EXOC6B: variants seen among roughly 807,000 people sequenced by gnomAD.
The protein encoded by EXOC6B is SEC15 homolog B.
EXOC6B carries 54 observed loss-of-function variants against 113.5 expected under a neutral mutation model. The ratio of observed to expected loss-of-function variants is 0.48; its 90% CI spans 0.38 to 0.60. The LOEUF is 0.60. Among genes scored for constraint, EXOC6B ranks in the 20% least tolerant of loss-of-function variants. The pLI is 0.00. For missense variants in EXOC6B, 797 were observed against 977.5 expected (o/e 0.82, Z 2.46); for synonymous variants, 357 against 339.0 (o/e 1.05, Z -0.58).
At chr2:72,279,554 T>G (rs1685004558) in intron 20 of EXOC6B, among the ~76,000 whole-genome samples, 1 of 152,170 alleles carries the variant, frequency 6.6e-6, no homozygotes, top group Non-Finnish European at 1.5e-5. Context: ...CCTACTAAAT[T>G]TACCTTTCTC....
intron 20 of EXOC6B, among the ~76,000 whole-genome samples, chr2:72,285,589 T>C (rs958834806): frequency 3.3e-5 from 5 of 152,088 alleles, no homozygotes; most frequent in Non-Finnish European, 5.9e-5. Flanking sequence ...ATGACTTCTT[T>C]TTAGATATGA....
chr2:72,466,694 C>T (rs1030425129), intron 17 of EXOC6B, among the ~76,000 whole-genome samples: 167 of 152,186 alleles, frequency 1.1e-3, no homozygotes, highest in African/African-American at 3.9e-3. Context: ...ATATTTGTGA[C>T]GTACAACTTG....
intron 6 of EXOC6B, among the ~76,000 whole-genome samples, chr2:72,671,523 C>G (rs187696519): frequency 4.8e-4 from 73 of 151,938 alleles, no homozygotes; most frequent in Admixed American, 1.6e-3. Flanking sequence ...GGTGAAACCC[C>G]GTCTCTACTA....
At chr2:72,656,065 AAAAT>A (rs893852223) in intron 6 of EXOC6B, among the ~76,000 whole-genome samples, 2 of 152,162 alleles carry the variant, frequency 1.3e-5, no homozygotes, top group African/African-American at 2.4e-5. Flanking sequence ...TGGAAATAAA[AAAAT>A]AAATAGACTA....
intron 7 of EXOC6B, 86 bp from the exon 8 acceptor site, chr2:72,559,607 CT>C: frequency 1.8e-6 from 2 of 1,114,644 alleles, no homozygotes; most frequent in Non-Finnish European, 2.6e-6. Flanking sequence ...GTGTTTGGTT[CT>C]TTTTATAAAG....
At chr2:72,337,408 A>T (rs1240067631) in intron 19 of EXOC6B, among the ~76,000 whole-genome samples, 1 of 152,146 alleles carries the variant, frequency 6.6e-6, no homozygotes, top group Non-Finnish European at 1.5e-5. Context: ...AACTATCAAG[A>T]TGTTCTGCCA....
intron 8 of EXOC6B, among the ~76,000 whole-genome samples, chr2:72,526,306 G>A (rs769388466): frequency 2.0e-5 from 3 of 151,694 alleles, no homozygotes; most frequent in Non-Finnish European, 4.4e-5. Context: ...TAAACAGAAG[G>A]TACAGTATAA....
At chr2:72,587,360 G>C (rs1435090716) in intron 6 of EXOC6B, among the ~76,000 whole-genome samples, 2 of 152,100 alleles carry the variant, frequency 1.3e-5, no homozygotes, top group African/African-American at 4.8e-5. Context: ...TCAGAACTAA[G>C]CATTGGGTAA....
intron 18 of EXOC6B, among the ~76,000 whole-genome samples, chr2:72,392,794 T>C (rs1366173126): frequency 6.6e-6 from 1 of 152,220 alleles, no homozygotes; most frequent in Non-Finnish European, 1.5e-5. Flanking sequence ...TTTATTACAA[T>C]GGGTCCACAT....
At position 72,823,014 on chromosome 2, in the gene EXOC6B, A is replaced by G. The variant is rs553948709; in HGVS notation, c.113+2784T>C. Among the ~76,000 whole-genome samples the G allele has an allele frequency of 3.0e-4, 46 of 152,188 alleles. No individual in the cohort carries two copies. In the East Asian group the frequency reaches 8.3e-3, roughly 27 times the overall value. On this transcript the variant is annotated intron_variant, in intron 1 of 21. Transcript: ENST00000272427. ...CTGCTGCCTCTGAACGGGATAAGGAAAAAAGGTGAGATCATCCCCTATGAA... is the reference window on the plus strand; with the variant it reads ...CTGCTGCCTCTGAACGGGATAAGGAGAAAAGGTGAGATCATCCCCTATGAA...
chr2:72,808,682 C>T (rs1275231592), intron 1 of EXOC6B, among the ~76,000 whole-genome samples: 1 of 152,054 alleles, frequency 6.6e-6, no homozygotes, highest in Non-Finnish European at 1.5e-5. Flanking sequence ...ACTTGGGAAG[C>T]TAAGGTGGGA....
chr2:72,664,334 A>C (rs1210403425), intron 6 of EXOC6B, among the ~76,000 whole-genome samples: 2 of 152,098 alleles, frequency 1.3e-5, no homozygotes, highest in Non-Finnish European at 2.9e-5. Flanking sequence ...AGAGTGGGGA[A>C]GCTAGGATCC....
intron 20 of EXOC6B, among the ~76,000 whole-genome samples, chr2:72,213,163 G>A (rs1243930656): frequency 6.6e-6 from 1 of 152,172 alleles, no homozygotes; most frequent in Non-Finnish European, 1.5e-5. Context: ...AGAGGTCTCA[G>A]CCTCCCAGCC....
chr2:72,246,656 C>T (rs1036658820), intron 20 of EXOC6B, among the ~76,000 whole-genome samples: 4 of 151,808 alleles, frequency 2.6e-5, no homozygotes, highest in Non-Finnish European at 5.9e-5. Flanking sequence ...TACAGGCGCC[C>T]ACCACCATGC....
At chr2:72,653,971 T>G (rs1395391610) in intron 6 of EXOC6B, among the ~76,000 whole-genome samples, 2 of 1,888 alleles carry the variant, frequency 1.1e-3, no homozygotes, top group African/African-American at 1.6e-3. Flanking sequence ...ATTTTATTTA[T>G]TTTTTTTTTT....
chr2:72,210,291 G>A (rs1348979158), intron 20 of EXOC6B, among the ~76,000 whole-genome samples: 8 of 152,162 alleles, frequency 5.3e-5, no homozygotes, highest in Admixed American at 3.3e-4. Context: ...ATTAATTAAG[G>A]AGCCAGATCC....
chr2:72,782,637 T>C (rs1255127778), intron 1 of EXOC6B, among the ~76,000 whole-genome samples: 22 of 152,198 alleles, frequency 1.4e-4, no homozygotes, highest in Admixed American at 1.4e-3. Flanking sequence ...TCCTTCTAAC[T>C]GTGTATCGGT....
In EXOC6B at chr2:72,523,605, C is replaced by T. The variant is rs186765849; in HGVS notation, c.916-8479G>A. ...CATCCTGGCTAACACGGTGAAACCCCGTCTGTACTACAAATACAAAAAGAA... is the reference window on the plus strand; with the variant it reads ...CATCCTGGCTAACACGGTGAAACCCTGTCTGTACTACAAATACAAAAAGAA... On this transcript the variant is annotated intron_variant, in intron 8 of 21. Coordinates refer to ENST00000272427, the MANE Select transcript of EXOC6B (RefSeq NM_015189.3). Among the ~76,000 whole-genome samples the T allele has an allele frequency of 2.9e-3, 448 of 151,942 alleles. 3 individuals are homozygous for T. Among genetic ancestry groups the T allele is most frequent in the Middle Eastern group, 0.01 (3 of 294 alleles).
intron 15 of EXOC6B, among the ~76,000 whole-genome samples, chr2:72,492,673 T>TC (rs1699812828): frequency 6.6e-6 from 1 of 151,750 alleles, no homozygotes; most frequent in Admixed American, 6.6e-5. Flanking sequence ...TGTTTTTTTT[T>TC]CTTTATTTCT....
Sources: gnomAD v4.1 joint callset for allele counts (sites outside exome capture counted in the v4.1 genomes callset) on GRCh38, gnomAD v4.1.1 for gene constraint, MANE v1.5 for transcripts, NCBI Gene and HGNC (gene_info 2026-07-23, HGNC 2026-07-21) for gene names.